Variants in ARID5B observed in about 807,000 individuals in gnomAD.
The protein encoded by ARID5B is AT-rich interactive domain-containing protein 5B.
ARID5B carries 13 observed loss-of-function variants against 97.2 expected under a neutral mutation model. The observed-to-expected ratio is 0.13, with a 90% CI of 0.09 to 0.21. The LOEUF (loss-of-function observed/expected upper bound fraction) is 0.21, where lower values mean the gene tolerates loss of function less well. ARID5B is among the 10% of genes least tolerant of loss of function. The pLI is 1.00. For synonymous variants in ARID5B, 556 were observed against 570.3 expected (o/e 0.97, Z 0.36); for missense variants, 1,210 against 1,465.3 (o/e 0.83, Z 2.84).
At position 62,000,940 on chromosome 10, in the gene ARID5B, A is replaced by G. The variant is rs1175161225; in HGVS notation, c.733+619A>G. On this transcript the variant is annotated intron_variant, in intron 4 of 9. Coordinates refer to ENST00000279873, the MANE Select transcript of ARID5B (RefSeq NM_032199.3). This position sits in a 1 kb window ranked among gnomAD's most constrained non-coding sequence, Gnocchi z 4.4. ...CTCATACACACACATGCACACGTAC[A>G]CGCACATTGTGCCCACCAAAGATGG... 6.6e-6 allele frequency among the ~76,000 whole-genome samples: 1 copy of G among 152,198 alleles called. No individual in the cohort carries two copies. Among genetic ancestry groups the G allele is most frequent in the African/African-American group, 2.4e-5 (1 of 41,452 alleles).
chr10:61,985,511 C>T (rs1291975749), intron 3 of ARID5B, among the ~76,000 whole-genome samples: 1 of 151,658 alleles, frequency 6.6e-6, no homozygotes, highest in Non-Finnish European at 1.5e-5. Context: ...ATGAAATGTC[C>T]AGAATAGGCA....
rs567149095 is a variant in ARID5B, at chr10:62,033,082, G to T, written c.734-17806G>T. ...TTCTTGGCCTACCAGATTAAATTCTGTTCAATTTGTTTTCTATTTATTGAG... is the reference window on the plus strand; with the variant it reads ...TTCTTGGCCTACCAGATTAAATTCTTTTCAATTTGTTTTCTATTTATTGAG... On this transcript the variant is annotated intron_variant, in intron 4 of 9. Coordinates refer to ENST00000279873, the MANE Select transcript of ARID5B (RefSeq NM_032199.3). Among the ~76,000 whole-genome samples the T allele has an allele frequency of 7.2e-5, 11 of 152,252 alleles. No homozygotes were observed. The East Asian group carries it at 1.9e-3, about 27-fold the overall frequency.
intron 3 of ARID5B, among the ~76,000 whole-genome samples, chr10:61,948,870 T>C (rs1274795132): frequency 1.3e-5 from 2 of 152,256 alleles, no homozygotes; most frequent in Non-Finnish European, 2.9e-5. Flanking sequence ...TAGAGCTGTA[T>C]GGCCTTGGCC....
intron 3 of ARID5B, among the ~76,000 whole-genome samples, chr10:61,965,516 T>G (rs771709384): frequency 6.6e-6 from 1 of 152,184 alleles, no homozygotes; most frequent in Non-Finnish European, 1.5e-5. Context: ...TACTCTGTCA[T>G]GTAGATGAGT....
At chr10:61,904,243 T>A (rs1843671173) in intron 2 of ARID5B, among the ~76,000 whole-genome samples, 1 of 152,036 alleles carries the variant, frequency 6.6e-6, no homozygotes, top group African/African-American at 2.4e-5. Flanking sequence ...AATTATTCAG[T>A]GTTTTATGGG....
At chr10:62,089,823 A>C (rs1258483382) in intron 9 of ARID5B, among the ~76,000 whole-genome samples, 1 of 152,122 alleles carries the variant, frequency 6.6e-6, no homozygotes, top group Non-Finnish European at 1.5e-5. Flanking sequence ...TTTTCTTAAC[A>C]GAGAAGAACA....
intron 9 of ARID5B, among the ~76,000 whole-genome samples, chr10:62,086,223 G>T (rs762951418): frequency 1.8e-4 from 28 of 152,190 alleles, no homozygotes; most frequent in Non-Finnish European, 2.9e-4. Context: ...TAACATCAAA[G>T]AATTTTACTG....
chr10:61,980,556 A>G (rs1196751769), intron 3 of ARID5B, among the ~76,000 whole-genome samples: 1 of 152,226 alleles, frequency 6.6e-6, no homozygotes, highest in Non-Finnish European at 1.5e-5. Flanking sequence ...GTCTCTCTTA[A>G]ACAATGTTTC....
chr10:62,066,664 G>C (rs1173725522), intron 7 of ARID5B, among the ~76,000 whole-genome samples: 1 of 152,150 alleles, frequency 6.6e-6, no homozygotes, highest in East Asian at 1.9e-4. Flanking sequence ...CCTAGTATGA[G>C]ATAGATTATT....
At position 62,094,905 on chromosome 10, in the gene ARID5B, C is replaced by A. The variant is rs781658899; in HGVS notation, c.*1875C>A. The A allele has an allele frequency of 1.3e-5, 3 of 231,026 alleles. No individual in the cohort carries two copies. Among genetic ancestry groups the A allele is most frequent in the Non-Finnish European group, 2.6e-5 (3 of 116,514 alleles). 14.3% of individuals were successfully genotyped at this position (231,026 alleles called of 1,614,324 possible). ...ATAGGTAACTCGACTGCAAAATAAT[C>A]AAAACTGATAACAATGAAACTGCGG... On this transcript the variant is annotated 3_prime_UTR_variant, in exon 10 of 10. Coordinates refer to ENST00000279873, the MANE Select transcript of ARID5B (RefSeq NM_032199.3).
chr10:61,991,123 C>A (rs959931244), intron 3 of ARID5B, among the ~76,000 whole-genome samples: 1 of 150,704 alleles, frequency 6.6e-6, no homozygotes, highest in African/African-American at 2.4e-5. Flanking sequence ...GTTGTTTCTA[C>A]CTTTTGGCTA....
In ARID5B at chr10:62,008,816, C is replaced by T. The variant is rs141569034; in HGVS notation, c.733+8495C>T. On this transcript the variant is annotated intron_variant, in intron 4 of 9. Transcript: ENST00000279873. ...CAGATAGTGAACTGCTCTGTGTTCT[C>T]ATGGACTCTGTGAGACATGGGGTTT... Among the ~76,000 whole-genome samples the T allele has an allele frequency of 2.0e-5, 3 of 152,326 alleles. No individual in the cohort carries two copies. In the East Asian group the frequency reaches 5.8e-4, roughly 29 times the overall value.
At chr10:61,950,259 G>A (rs1838305277) in intron 3 of ARID5B, among the ~76,000 whole-genome samples, 1 of 152,180 alleles carries the variant, frequency 6.6e-6, no homozygotes, top group African/African-American at 2.4e-5. Flanking sequence ...GCCCGCCTCA[G>A]CTTCCCAAAG....
intron 2 of ARID5B, among the ~76,000 whole-genome samples, chr10:61,926,595 A>G (rs7915739): frequency 0.61 from 92,177 of 151,776 alleles, 29,534 homozygotes; most frequent in Non-Finnish European, 0.72. Context: ...TATTATTATT[A>G]TTGTTATATT....
intron 8 of ARID5B, among the ~76,000 whole-genome samples, chr10:62,081,993 T>A (rs1342684894): frequency 1.3e-5 from 2 of 152,282 alleles, no homozygotes; most frequent in Middle Eastern, 3.4e-3. Flanking sequence ...GGGTTGATTT[T>A]AAGTCTTTTT....
At chr10:62,049,599 G>A (rs1839758487) in intron 4 of ARID5B, 1 of 1,409,220 alleles carries the variant, frequency 7.1e-7, no homozygotes, top group African/African-American at 1.4e-5. Flanking sequence ...AATGAGAGGA[G>A]AGAGCGGGTG....
Position 62,093,057 on chromosome 10 carries a change from C to T in ARID5B, c.*27C>T, listed in dbSNP as rs201720788. 133 of 1,576,276 alleles carry T rather than the reference C, an allele frequency of 8.4e-5. No individual in the cohort carries two copies. The African/African-American group carries it at 1.2e-3, about 15-fold the overall frequency. On this transcript the variant is annotated 3_prime_UTR_variant, in exon 10 of 10. Coordinates refer to ENST00000279873, the MANE Select transcript of ARID5B (RefSeq NM_032199.3). Reference sequence around the variant, plus strand: ...CTCAGCTCTGCCCAGCAGTCCAAAGCGGCATGGCCAACAGAGCTTCACTCC... The same window carrying T: ...CTCAGCTCTGCCCAGCAGTCCAAAGTGGCATGGCCAACAGAGCTTCACTCC...
chr10:61,984,274 C>A (rs1168725320), intron 3 of ARID5B, among the ~76,000 whole-genome samples: 1 of 152,202 alleles, frequency 6.6e-6, no homozygotes, highest in Non-Finnish European at 1.5e-5. Context: ...GGACTGGGAG[C>A]TCCCTGAGAG....
At chr10:61,937,644 C>A (rs1200342040) in intron 2 of ARID5B, among the ~76,000 whole-genome samples, 4 of 152,112 alleles carry the variant, frequency 2.6e-5, no homozygotes, top group African/African-American at 9.7e-5. Context: ...CAATATTTAT[C>A]CAGTGCTAAT....
Sources: allele counts gnomAD v4.1 joint callset (sites outside exome capture counted in the v4.1 genomes callset), GRCh38; gene constraint gnomAD v4.1.1; non-coding constraint Gnocchi (gnomAD v3.1); transcripts MANE v1.5; gene names NCBI Gene and HGNC (gene_info 2026-07-23, HGNC 2026-07-21).